SBK1: variants seen among roughly 807,000 people sequenced by gnomAD.
SBK1 encodes the protein SH3 domain binding kinase 1, also known as serine/threonine-protein kinase SBK1.
A neutral mutation model predicts 24.4 loss-of-function variants in SBK1; 11 were observed. That is an observed-to-expected ratio of 0.45 (90% confidence interval 0.28 to 0.75). SBK1 has a LOEUF of 0.75. Among genes scored for constraint, SBK1 ranks in the 30% least tolerant of loss-of-function variants. SBK1 has a pLI of 0.12. For missense variants in SBK1, 467 were observed against 620.5 expected, an observed-to-expected ratio of 0.75 and a Z score of 2.63; for synonymous variants, 308 against 284.4, an observed-to-expected ratio of 1.08 and a Z score of -0.83.
At chr16:28,284,152 C>G (rs1190832970) in intron 1 of SBK1, among the ~76,000 whole-genome samples, 6 of 152,254 alleles carry the variant, frequency 3.9e-5, no homozygotes, top group Non-Finnish European at 1.5e-5. Flanking sequence ...CCCACCACTC[C>G]ACTACCTGGG....
intron 1 of SBK1, among the ~76,000 whole-genome samples, chr16:28,306,174 G>C (rs1270573633): frequency 6.6e-6 from 1 of 152,098 alleles, no homozygotes; most frequent in Non-Finnish European, 1.5e-5. Context: ...CAGGAAAGAG[G>C]GACCCTCTCA....
At chr16:28,313,607 A>AC (rs1374549662) in intron 1 of SBK1, among the ~76,000 whole-genome samples, 2 of 151,182 alleles carry the variant, frequency 1.3e-5, no homozygotes, top group Non-Finnish European at 3.0e-5. Flanking sequence ...TAAAAAAAAA[A>AC]AAAAAACATA....
intron 1 of SBK1, among the ~76,000 whole-genome samples, chr16:28,314,506 G>C (rs1440795053): frequency 6.6e-6 from 1 of 152,118 alleles, no homozygotes; most frequent in Non-Finnish European, 1.5e-5. Flanking sequence ...CTGAGGCACA[G>C]AGAGAGGAAG....
chr16:28,315,804 C>T (rs1192641297), intron 1 of SBK1, among the ~76,000 whole-genome samples: 6 of 152,062 alleles, frequency 3.9e-5, no homozygotes, highest in Non-Finnish European at 4.4e-5. Flanking sequence ...CTTGTTCTGT[C>T]GCCCAGGCTG....
chr16:28,319,115 T>C lies in SBK1; in HGVS notation c.347T>C (p.Val116Ala). The C allele has an allele frequency of 6.2e-7, 1 of 1,614,132 alleles. No individual in the cohort carries two copies. The highest frequency in any genetic ancestry group is 8.5e-7 in the Non-Finnish European group (1 of 1,180,006). ...CCCTTCATCATCAAGGTCTTTGACGTGGTCTTTGAGACAGAGGACTGCTAC... is the reference window on the plus strand; with the variant it reads ...CCCTTCATCATCAAGGTCTTTGACGCGGTCTTTGAGACAGAGGACTGCTAC... Reference protein sequence around the residue: ...SSPFIIKVFDVVFETEDCYVF... With the variant: ...SSPFIIKVFDAVFETEDCYVF... Residue 116 changes from valine to alanine, a missense_variant, in exon 3 of 4, where the codon GTG (valine) becomes GCG (alanine). Val to Ala is a moderately conservative substitution (Grantham distance 64, BLOSUM62 0). Around this residue, in one of 4 missense-constraint regions of SBK1, gnomAD observed 123 missense variants for 158.2 expected, o/e 0.78. Coordinates refer to ENST00000341901, the MANE Select transcript of SBK1 (RefSeq NM_001024401.3). The surrounding 1 kb of genome is among the most constrained non-coding windows in gnomAD (Gnocchi z 4.0).
chr16:28,280,796 C>T (rs2044529010), intron 1 of SBK1, among the ~76,000 whole-genome samples: 1 of 152,128 alleles, frequency 6.6e-6, no homozygotes, highest in Non-Finnish European at 1.5e-5. Flanking sequence ...TCCTGAGTAA[C>T]TGGGATTATA....
intron 1 of SBK1, among the ~76,000 whole-genome samples, chr16:28,278,739 G>A (rs7199779): frequency 0.025 from 3,762 of 152,166 alleles, 163 homozygotes; most frequent in African/African-American, 0.087. Flanking sequence ...ATCACACTCC[G>A]ACCACCTCCC....
Position 28,293,095 on chromosome 16 carries a change from C to T in SBK1, c.-213C>T. 3 of 985,758 alleles carry T rather than the reference C, an allele frequency of 3.0e-6. No homozygotes were observed. Among genetic ancestry groups the T allele is most frequent in the Non-Finnish European group, 3.6e-6 (3 of 830,128 alleles). The allele number at this position is 985,758 out of a possible 1,614,324, so 61.1% of individuals were successfully genotyped here. A position where few individuals can be genotyped will look rare whatever the true frequency, so the allele number is the denominator to read the frequency against. ...ACATAGAAATCCCAAATCTAGGCAG[C>T]CGGGGACAGCAAGAGACACTCTCAC... On this transcript the variant is annotated 5_prime_UTR_variant, in exon 1 of 4. Transcript: ENST00000341901.
In SBK1 at chr16:28,293,278, G is replaced by C. The variant is rs544496309; in HGVS notation, c.-30G>C. ...GACGGCGCCCAGGCCCCCTGCCGCG[G>C]CGTCCCCGCGGCCCCAGCCCAGGTA... On this transcript the variant is annotated 5_prime_UTR_variant, in exon 1 of 4. Transcript: ENST00000341901. The C allele has an allele frequency of 4.5e-5, 44 of 985,574 alleles. No individual in the cohort carries two copies. In the South Asian group the frequency reaches 5.6e-4, roughly 13 times the overall value. The allele number at this position is 985,574 out of a possible 1,614,324, so 61.1% of individuals were successfully genotyped here. A position where few individuals can be genotyped will look rare whatever the true frequency, so the allele number is the denominator to read the frequency against.
intron 1 of SBK1, among the ~76,000 whole-genome samples, chr16:28,274,544 C>T (rs778440432): frequency 7.9e-5 from 12 of 151,896 alleles, no homozygotes; most frequent in Middle Eastern, 3.2e-3. Flanking sequence ...CCCAGCTATT[C>T]GGGAGGCTGA....
At chr16:28,268,209 C>T (rs1391454745) in intron 1 of SBK1, among the ~76,000 whole-genome samples, 1 of 152,046 alleles carries the variant, frequency 6.6e-6, no homozygotes, top group Non-Finnish European at 1.5e-5. Context: ...TCTTAAATAT[C>T]TAAATATAGT....
Position 28,275,884 on chromosome 16 carries a change from C to CA in SBK1, c.257+16390dup, listed in dbSNP as rs200459807. ...TGGGTGACAGAGGAAGACCCTGTCT[C>CA]AAAAAAAAGGAAGGAAGGAAGGAAG... On this transcript the variant is annotated intron_variant, in intron 1 of 3. Coordinates refer to the SBK1 transcript ENST00000671413. 1.2e-3 allele frequency among the ~76,000 whole-genome samples: 178 copies of CA among 147,312 alleles called. 1 individual carries two copies. Among genetic ancestry groups the CA allele is most frequent in the Admixed American group, 5.1e-3 (76 of 14,774 alleles).
intron 1 of SBK1, among the ~76,000 whole-genome samples, chr16:28,280,495 C>T (rs1259784151): frequency 6.7e-6 from 1 of 150,060 alleles, no homozygotes; most frequent in Non-Finnish European, 1.5e-5. Flanking sequence ...ACGCCCAGCC[C>T]AGGACTCAAT....
chr16:28,315,722 C>T, intron 1 of SBK1, among the ~76,000 whole-genome samples: 1 of 152,232 alleles, frequency 6.6e-6, no homozygotes, highest in Non-Finnish European at 1.5e-5. Flanking sequence ...GATCATCCTA[C>T]TGCCCTTCAG....
intron 1 of SBK1, among the ~76,000 whole-genome samples, chr16:28,311,016 GTGGATTA>G (rs2044750900): frequency 6.6e-6 from 1 of 152,174 alleles, no homozygotes; most frequent in Non-Finnish European, 1.5e-5. Context: ...GGATGGGTGC[GTGGATTA>G]ATTCCTTGTC....
chr16:28,264,237 T>C, intron 1 of SBK1, among the ~76,000 whole-genome samples: 1 of 152,186 alleles, frequency 6.6e-6, no homozygotes, highest in Admixed American at 6.5e-5. Context: ...CTTTGGGGAT[T>C]GCAGAGGTGC....
chr16:28,292,926 A>C lies in SBK1; in HGVS notation c.-382A>C, dbSNP rs1458627556. ...CCTCCTCAGTCTGGGCCCCCGCCCCAAGACCTAGAACGCAGTGCCCCCAGG... is the reference window on the plus strand; with the variant it reads ...CCTCCTCAGTCTGGGCCCCCGCCCCCAGACCTAGAACGCAGTGCCCCCAGG... On this transcript the variant is annotated 5_prime_UTR_variant, in exon 1 of 4. Coordinates refer to ENST00000341901, the MANE Select transcript of SBK1 (RefSeq NM_001024401.3). 4.2e-6 allele frequency: 4 copies of C among 955,342 alleles called. No homozygotes were observed. The African/African-American group carries it at 7.9e-5, about 19-fold the overall frequency. The allele number at this position is 955,342 out of a possible 1,614,324, so 59.2% of individuals were successfully genotyped here.
rs2044554332 is a variant in SBK1 at position 28,284,647 on chromosome 16, A to G, written c.257+25145A>G. ...GTTCTCAGACCAGGCTTTAGAAAAC[A>G]GAAATAATCAGGCCGGGCGCAGTGG... On this transcript the variant is annotated intron_variant, in intron 1 of 3. Transcript: ENST00000671413. 2.6e-5 allele frequency among the ~76,000 whole-genome samples: 4 copies of G among 152,378 alleles called. No homozygotes were observed. In the East Asian group the frequency reaches 5.8e-4, roughly 22 times the overall value.
At chr16:28,260,443 C>G (rs1236994605) in intron 1 of SBK1, among the ~76,000 whole-genome samples, 1 of 152,240 alleles carries the variant, frequency 6.6e-6, no homozygotes, top group Non-Finnish European at 1.5e-5. Flanking sequence ...GCCTCCATCA[C>G]TGTCTGAGTC....
Sources: gnomAD v4.1 joint callset for allele counts (sites outside exome capture counted in the v4.1 genomes callset) on GRCh38, gnomAD v4.1.1 for gene constraint, gnomAD v4.1.1 regional missense constraint, Gnocchi (gnomAD v3.1) non-coding constraint, MANE v1.5 for transcripts, NCBI Gene and HGNC (gene_info 2026-07-23, HGNC 2026-07-21) for gene names.